ZNF804B: variants seen among roughly 807,000 people sequenced by gnomAD.
The protein encoded by ZNF804B is zinc finger protein 804B, also known as zinc finger 804B.
Under a neutral mutation model 101.4 loss-of-function variants are expected in ZNF804B, and 80 were observed. The ratio of observed to expected loss-of-function variants is 0.79; its 90% CI spans 0.66 to 0.95. The LOEUF is 0.95. Among genes scored for constraint, ZNF804B ranks in the 40% least tolerant of loss-of-function variants. The pLI, the probability that ZNF804B is intolerant of heterozygous loss-of-function variation, is 0.00. For synonymous variants in ZNF804B, 622 were observed against 558.8 expected (o/e 1.11, Z -1.59); for missense variants, 1,673 against 1,561.9 (o/e 1.07, Z -1.20).
chr7:88,852,150 G>T (rs1791457697), intron 1 of ZNF804B, among the ~76,000 whole-genome samples: 1 of 152,186 alleles, frequency 6.6e-6, no homozygotes, highest in African/African-American at 2.4e-5. Context: ...TCAGCATCTG[G>T]TTGTACTTGC....
At chr7:88,858,979 C>T (rs2115851490) in intron 1 of ZNF804B, among the ~76,000 whole-genome samples, 1 of 151,824 alleles carries the variant, frequency 6.6e-6, no homozygotes, top group African/African-American at 2.4e-5. Flanking sequence ...ATGAACATTC[C>T]CTGAATGTTT....
rs550533628 is a variant in ZNF804B, at chr7:89,072,380, A to G, written c.109-145775A>G. 3.3e-5 allele frequency among the ~76,000 whole-genome samples: 5 copies of G among 152,296 alleles called. No individual in the cohort carries two copies. The East Asian group carries it at 9.7e-4, about 29-fold the overall frequency. ...TTTCCTCTTTTGGTTTCTACTTGCC[A>G]GAAGATTGCATAACTACTCAACAAC... On this transcript the variant is annotated intron_variant, in intron 1 of 3. Coordinates refer to ENST00000333190, the MANE Select transcript of ZNF804B (RefSeq NM_181646.5).
chr7:89,055,855 A>T (rs1232232755), intron 1 of ZNF804B, among the ~76,000 whole-genome samples: 1 of 152,034 alleles, frequency 6.6e-6, no homozygotes, highest in Non-Finnish European at 1.5e-5. Context: ...TCCTCAAGTA[A>T]TTTCTTGGCG....
At chr7:88,871,344 G>A (rs1229288358) in intron 1 of ZNF804B, among the ~76,000 whole-genome samples, 3 of 151,844 alleles carry the variant, frequency 2.0e-5, no homozygotes, top group Admixed American at 6.6e-5. Flanking sequence ...TAAGGGGGAA[G>A]AAGAGGGAAC....
intron 3 of ZNF804B, among the ~76,000 whole-genome samples, chr7:89,332,461 A>G (rs201036176): frequency 3.9e-5 from 5 of 127,806 alleles, no homozygotes; most frequent in East Asian, 2.9e-4. Context: ...CAAGAAAAAG[A>G]ATGCCAGTTC....
At chr7:89,253,882 G>A (rs1208187005) in intron 2 of ZNF804B, among the ~76,000 whole-genome samples, 1 of 152,032 alleles carries the variant, frequency 6.6e-6, no homozygotes, top group African/African-American at 2.4e-5. Flanking sequence ...CTAGAAAATG[G>A]ATGAATGTAG....
Position 89,265,265 on chromosome 7 carries a change from A to AGTGT in ZNF804B, c.249+46996_249+46999dup, listed in dbSNP as rs71102029. On this transcript the variant is annotated intron_variant, in intron 2 of 3. Coordinates refer to ENST00000333190, the MANE Select transcript of ZNF804B (RefSeq NM_181646.5). ...GATTATAAAGTTCACAGGTTAAGTC[A>AGTGT]GTGTGTGTGTGTGTGTGTGTGTGTG... 6.1e-3 allele frequency among the ~76,000 whole-genome samples: 885 copies of AGTGT among 145,208 alleles called. 8 individuals carry two copies. Among genetic ancestry groups the AGTGT allele is most frequent in the African/African-American group, 0.019 (762 of 39,780 alleles).
intron 2 of ZNF804B, among the ~76,000 whole-genome samples, chr7:89,281,350 A>C (rs1169242597): frequency 6.6e-6 from 1 of 152,180 alleles, no homozygotes; most frequent in Non-Finnish European, 1.5e-5. Context: ...GCATTTTCTC[A>C]AATGATGTGA....
chr7:89,016,420 T>A (rs1171039396), intron 1 of ZNF804B, among the ~76,000 whole-genome samples: 1 of 151,002 alleles, frequency 6.6e-6, no homozygotes, highest in Non-Finnish European at 1.5e-5. Context: ...CCCATGCCTA[T>A]GTCCTGAATG....
At chr7:88,810,450 C>G (rs967399919) in intron 1 of ZNF804B, among the ~76,000 whole-genome samples, 2 of 150,754 alleles carry the variant, frequency 1.3e-5, no homozygotes, top group Non-Finnish European at 2.9e-5. Context: ...CCCAGGAGTT[C>G]GAGACCAGCC....
At chr7:88,789,151 A>T (rs1236897443) in intron 1 of ZNF804B, among the ~76,000 whole-genome samples, 2 of 152,098 alleles carry the variant, frequency 1.3e-5, no homozygotes, top group Non-Finnish European at 2.9e-5. Flanking sequence ...GTCTTTCAAA[A>T]ATATAAGAAA....
chr7:89,057,856 C>T (rs1031967445), intron 1 of ZNF804B, among the ~76,000 whole-genome samples: 11 of 152,178 alleles, frequency 7.2e-5, no homozygotes, highest in South Asian at 2.1e-4. Context: ...GGAGCTTGGT[C>T]AAGGGATCCT....
intron 1 of ZNF804B, among the ~76,000 whole-genome samples, chr7:89,032,166 C>G (rs11981555): frequency 0.49 from 73,678 of 151,750 alleles, 18,432 homozygotes; most frequent in Middle Eastern, 0.53. Context: ...ATTTTCAGAA[C>G]GTTGATTTTT....
At chr7:89,333,298 G>A in intron 3 of ZNF804B, 65 bp from the exon 4 acceptor site, 7 of 1,367,960 alleles carry the variant, frequency 5.1e-6, no homozygotes, top group Non-Finnish European at 6.8e-6. Context: ...ACTATGAAAT[G>A]TTCATATGTA....
intron 1 of ZNF804B, among the ~76,000 whole-genome samples, chr7:88,966,434 C>T (rs748128577): frequency 2.0e-5 from 3 of 151,420 alleles, no homozygotes; most frequent in Admixed American, 6.6e-5. Flanking sequence ...TGGTTTGGTA[C>T]GTTTGAACTG....
intron 1 of ZNF804B, among the ~76,000 whole-genome samples, chr7:88,927,366 A>G (rs560726242): frequency 1.4e-4 from 21 of 152,300 alleles, no homozygotes; most frequent in African/African-American, 4.8e-4. Context: ...GAAATAGCAA[A>G]CAATATTGTG....
chr7:88,880,062 C>T (rs941571985), intron 1 of ZNF804B, among the ~76,000 whole-genome samples: 9 of 142,004 alleles, frequency 6.3e-5, no homozygotes, highest in Non-Finnish European at 1.4e-4. Flanking sequence ...AAAAAAAAAA[C>T]CACTTATCTG....
intron 1 of ZNF804B, among the ~76,000 whole-genome samples, chr7:88,861,673 G>A (rs541466447): frequency 2.0e-5 from 3 of 152,130 alleles, no homozygotes; most frequent in East Asian, 1.9e-4. Flanking sequence ...ATCTTCTATC[G>A]TAGGTCTGCA....
At chr7:89,054,786 C>T (rs10242126) in intron 1 of ZNF804B, among the ~76,000 whole-genome samples, 23,525 of 151,944 alleles carry the variant, frequency 0.15, 2,103 homozygotes, top group East Asian at 0.23. Context: ...TTCTAAGTCT[C>T]TGTCAACATA....
Sources: allele counts gnomAD v4.1 joint callset (sites outside exome capture counted in the v4.1 genomes callset), GRCh38; gene constraint gnomAD v4.1.1; transcripts MANE v1.5; gene names NCBI Gene and HGNC (gene_info 2026-07-23, HGNC 2026-07-21).